The following TENM4 variants were observed in gnomAD, a reference collection of about 807,000 sequenced individuals.
The protein encoded by TENM4 is teneurin-4.
TENM4 carries 82 observed loss-of-function variants against 243.3 expected under a neutral mutation model. The ratio of observed to expected loss-of-function variants is 0.34; its 90% CI spans 0.28 to 0.40. The LOEUF (loss-of-function observed/expected upper bound fraction) is 0.40. Ranked by LOEUF, TENM4 falls within the 10% of genes least tolerant of loss-of-function variation. TENM4 has a pLI of 1.00. For synonymous variants in TENM4, 1,412 were observed against 1,456.3 expected, an observed-to-expected ratio of 0.97 and a Z score of 0.69; for missense variants, 3,138 against 3,673.3, an observed-to-expected ratio of 0.85 and a Z score of 3.77.
chr11:78,952,437 G>A (rs1176815562), intron 6 of TENM4, among the ~76,000 whole-genome samples: 2 of 152,208 alleles, frequency 1.3e-5, no homozygotes, highest in Non-Finnish European at 2.9e-5. Flanking sequence ...GGCTCTTTGA[G>A]AGGTAACAGC....
At chr11:79,114,099 C>T (rs188341327) in intron 4 of TENM4, among the ~76,000 whole-genome samples, 30 of 152,268 alleles carry the variant, frequency 2.0e-4, no homozygotes, top group Admixed American at 1.1e-3. Flanking sequence ...TCTATCTCAA[C>T]GCCTTGCTGC....
At chr11:79,213,817 C>T (rs1359230114) in intron 3 of TENM4, among the ~76,000 whole-genome samples, 1 of 152,062 alleles carries the variant, frequency 6.6e-6, no homozygotes. Flanking sequence ...TTGAAGAGTT[C>T]AGCTTTTATC....
At chr11:79,265,160 C>T (rs1260871085) in intron 2 of TENM4, among the ~76,000 whole-genome samples, 1 of 152,196 alleles carries the variant, frequency 6.6e-6, no homozygotes, top group Non-Finnish European at 1.5e-5. Context: ...AGATGGCTAG[C>T]TCACTGCCTT....
At chr11:79,390,416 G>A (rs982572411) in intron 1 of TENM4, among the ~76,000 whole-genome samples, 1 of 152,182 alleles carries the variant, frequency 6.6e-6, no homozygotes, top group Non-Finnish European at 1.5e-5. Context: ...TCCCTTCCTG[G>A]CACCTCTGTG....
intron 7 of TENM4, among the ~76,000 whole-genome samples, chr11:78,894,979 T>A (rs1307293705): frequency 1.6e-3 from 98 of 59,458 alleles, no homozygotes; most frequent in African/African-American, 4.3e-3. Context: ...GACTCGGCCT[T>A]AAAAAAAAAA....
chr11:79,436,346 A>G (rs1399671384), intron 1 of TENM4, among the ~76,000 whole-genome samples: 1 of 152,158 alleles, frequency 6.6e-6, no homozygotes, highest in African/African-American at 2.4e-5. Context: ...TATAGACTGG[A>G]TCATAAAAAA....
intron 18 of TENM4, among the ~76,000 whole-genome samples, chr11:78,765,805 C>A (rs1317422305): frequency 1.3e-5 from 2 of 152,194 alleles, no homozygotes; most frequent in Non-Finnish European, 2.9e-5. Flanking sequence ...AGCACAGTGC[C>A]TGGCACTCAG....
rs761634888 is a variant in TENM4 at position 78,708,530 on chromosome 11, G to C, written c.4055-15C>G. On this transcript the variant is annotated splice_polypyrimidine_tract_variant and intron_variant, in intron 26 of 33. Coordinates refer to ENST00000278550, the MANE Select transcript of TENM4 (RefSeq NM_001098816.3). ...CACTGTAATGCCTGGGGGCAGAGAA[G>C]CCAAAACAGGAACTCAGCATCAGAG... 56 of 1,612,270 alleles carry C rather than the reference G, an allele frequency of 3.5e-5. No individual in the cohort carries two copies. The highest frequency in any genetic ancestry group is 2.7e-4 in the Admixed American group (16 of 59,820).
In TENM4 at chr11:78,658,383, C is replaced by T. The variant is rs369788944; in HGVS notation, c.7985G>A (p.Arg2662His). 1.5e-5 allele frequency: 24 copies of T among 1,613,924 alleles called. No individual in the cohort carries two copies. The African/African-American group carries it at 1.9e-4, about 13-fold the overall frequency. Residue 2662 changes from arginine (R) to histidine (H), a missense_variant, in exon 34 of 34, where the codon CGC becomes CAC. Physicochemically the swap from Arg to His is conservative, Grantham distance 29. This residue lies in a region of TENM4 where 2,467 missense variants were observed against 3,059.1 expected (regional missense o/e 0.81). Transcript: ENST00000278550. ...INTVLNGRTRRYTDIQLQYGA... is the reference protein window; with the variant it reads ...INTVLNGRTRHYTDIQLQYGA... ...GTACTGGAGCTGGATGTCTGTGTAG[C>T]GTCTAGTCCTGCCATTAAGTACTGT...
chr11:79,006,706 C>T (rs1338428762), intron 6 of TENM4, among the ~76,000 whole-genome samples: 1 of 152,208 alleles, frequency 6.6e-6, no homozygotes. Flanking sequence ...ACTTTGCTAT[C>T]TTTTGTTACA....
At position 78,722,877 on chromosome 11, in the gene TENM4, A is replaced by G; in HGVS notation, c.3591T>C (p.Ser1197=). Residue 1197 remains serine, a synonymous_variant, in exon 24 of 34, where the codon TCT becomes TCC. Coordinates refer to ENST00000278550, the MANE Select transcript of TENM4 (RefSeq NM_001098816.3). ...HKGNGENQFV[S]QQPPVIGSIM... Reference sequence around the variant, plus strand: ...TGCTCCCAATGACAGGAGGCTGCTGAGACACAAACTGGTTCTCCCCATTCC... The same window carrying G: ...TGCTCCCAATGACAGGAGGCTGCTGGGACACAAACTGGTTCTCCCCATTCC... 1 of 1,614,050 alleles carries G rather than the reference A, an allele frequency of 6.2e-7. No homozygotes were observed. Among genetic ancestry groups the G allele is most frequent in the Non-Finnish European group, 8.5e-7 (1 of 1,179,888 alleles).
At chr11:78,852,945 G>C (rs1490295538) in intron 12 of TENM4, among the ~76,000 whole-genome samples, 1 of 152,062 alleles carries the variant, frequency 6.6e-6, no homozygotes, top group African/African-American at 2.4e-5. Context: ...TAGAAAGGAG[G>C]ATCTTGCTAT....
At chr11:79,218,936 T>C (rs1439425911) in intron 2 of TENM4, among the ~76,000 whole-genome samples, 2 of 152,224 alleles carry the variant, frequency 1.3e-5, no homozygotes, top group Non-Finnish European at 2.9e-5. Context: ...TGTTGCTGGA[T>C]AGAATACAAT....
chr11:78,978,515 T>A (rs1857718311), intron 6 of TENM4, among the ~76,000 whole-genome samples: 1 of 152,136 alleles, frequency 6.6e-6, no homozygotes, highest in African/African-American at 2.4e-5. Context: ...AGTTGGTTCA[T>A]AAGAGGAGAA....
chr11:78,740,597 G>A (rs1010683338), intron 19 of TENM4, among the ~76,000 whole-genome samples: 1 of 152,226 alleles, frequency 6.6e-6, no homozygotes, highest in Admixed American at 6.5e-5. Flanking sequence ...GCTGAGAGAT[G>A]TTTTCTTTAA....
chr11:79,245,608 C>A (rs1565266448), intron 2 of TENM4, among the ~76,000 whole-genome samples: 1 of 152,064 alleles, frequency 6.6e-6, no homozygotes, highest in Non-Finnish European at 1.5e-5. Context: ...AAGTACCTAG[C>A]ATATAACACT....
intron 1 of TENM4, among the ~76,000 whole-genome samples, chr11:79,302,697 A>G (rs1565290510): frequency 6.6e-6 from 1 of 152,138 alleles, no homozygotes; most frequent in Non-Finnish European, 1.5e-5. Context: ...CCCTGAGTTC[A>G]CCTTGTCCTC....
chr11:79,019,158 T>A (rs1358192095), intron 6 of TENM4, among the ~76,000 whole-genome samples: 1 of 152,212 alleles, frequency 6.6e-6, no homozygotes, highest in Non-Finnish European at 1.5e-5. Flanking sequence ...TCACATGAAA[T>A]GACATTGCCT....
chr11:78,855,864 C>A, intron 11 of TENM4, 100 bp downstream of exon 11: 1 of 1,124,502 alleles, frequency 8.9e-7, no homozygotes, highest in Non-Finnish European at 1.3e-6. Context: ...ATATAAATGT[C>A]CCTTCAGGCT....
Sources: allele counts gnomAD v4.1 joint callset (sites outside exome capture counted in the v4.1 genomes callset), GRCh38; gene constraint gnomAD v4.1.1; regional missense constraint gnomAD v4.1.1; transcripts MANE v1.5; gene names NCBI Gene and HGNC (gene_info 2026-07-23, HGNC 2026-07-21).